The following ANO8 variants were observed in gnomAD, a reference collection of about 807,000 sequenced individuals.
The protein encoded by ANO8 is anoctamin-8.
A neutral mutation model predicts 120.4 loss-of-function variants in ANO8; 67 were observed. The observed-to-expected ratio is 0.56, with a 90% CI of 0.46 to 0.68. ANO8 has a LOEUF of 0.68. Ranked by LOEUF, ANO8 falls within the 30% of genes least tolerant of loss-of-function variation. ANO8 has a pLI of 0.00. For missense variants in ANO8, 1,526 were observed against 1,737.6 expected (o/e 0.88, Z 2.16); for synonymous variants, 727 against 759.2 (o/e 0.96, Z 0.70).
At chr19:17,324,642 C>A (rs1390548979) in intron 17 of ANO8, 75 bp downstream of exon 17, 1 of 1,500,906 alleles carries the variant, frequency 6.7e-7, no homozygotes, top group South Asian at 1.4e-5. Flanking sequence ...TTCAGCCCCT[C>A]TCCCCAGGCC....
In ANO8 at chr19:17,323,343, G is replaced by GTGTGTT. The variant is rs772407768; in HGVS notation, c.*173_*174insAACACA. ...TGTGTGTGTGTGTGTGTGTGTGTGTGTTTTCTGTTGGATTTGTGGGTTTCC... is the reference window on the plus strand; with the variant it reads ...TGTGTGTGTGTGTGTGTGTGTGTGTGTGTGTTTTTTCTGTTGGATTTGTGGGTTTCC... On this transcript the variant is annotated 3_prime_UTR_variant, in exon 18 of 18. Coordinates refer to ENST00000159087, the MANE Select transcript of ANO8 (RefSeq NM_020959.3). The GTGTGTT allele has an allele frequency of 1.3e-3, 519 of 394,424 alleles. 2 individuals carry two copies. The highest frequency in any genetic ancestry group is 1.4e-3 in the Non-Finnish European group (314 of 228,428). The allele number at this position is 394,424 out of a possible 1,614,324, so 24.4% of individuals were successfully genotyped here. A position where few individuals can be genotyped will look rare whatever the true frequency, so the allele number is the denominator to read the frequency against.
chr19:17,334,516 G>A, intron 1 of ANO8, 49 bp downstream of exon 1: 1 of 1,431,874 alleles, frequency 7.0e-7, no homozygotes, highest in Non-Finnish European at 9.4e-7. Flanking sequence ...GTTGACGCGG[G>A]CTCCCCAGGC....
Position 17,328,362 on chromosome 19 carries a change from C to T in ANO8, c.2026G>A (p.Ala676Thr). 1 of 1,574,350 alleles carries T rather than the reference C, an allele frequency of 6.4e-7. No homozygotes were observed. The highest frequency in any genetic ancestry group is 8.6e-7 in the Non-Finnish European group (1 of 1,164,374). Residue 676 changes from alanine (A) to threonine (T), a missense_variant, in exon 13 of 18, where the codon GCC (alanine) becomes ACC (threonine). Transcript: ENST00000159087. Reference protein sequence around the residue: ...APGSPEREPPAILFRRAGGEG... With the variant: ...APGSPEREPPTILFRRAGGEG... Reference sequence around the variant, plus strand: ...CCCCCGGCCCGGCGGAACAAGATGGCCGGGGGCTCCCGTTCAGGGCTGCCG... The same window carrying T: ...CCCCCGGCCCGGCGGAACAAGATGGTCGGGGGCTCCCGTTCAGGGCTGCCG...
intron 13 of ANO8, 37 bp from the exon 14 acceptor site, chr19:17,327,917 C>A (rs202038088): frequency 6.3e-7 from 1 of 1,597,424 alleles, no homozygotes; most frequent in East Asian, 2.2e-5. Context: ...GAAGCCTCTT[C>A]CCTGGGACAA....
rs1321250268 is a variant in ANO8, at chr19:17,328,633, CTCG to C, written c.1752_1754del (p.Asp584del). The C allele has an allele frequency of 2.0e-6, 3 of 1,529,572 alleles. No homozygotes were observed. In the Admixed American group the frequency reaches 6.0e-5, roughly 31 times the overall value. The allele number at this position is 1,529,572 out of a possible 1,614,324, so 94.8% of individuals were successfully genotyped here. On this transcript the variant is annotated inframe_deletion, in exon 13 of 18. Transcript: ENST00000159087. ...CCTCGTCCTCCTCCTCCTCGTCGTCCTCGTCCTCCTCCTTGCCCCCTGGAGGCC... is the reference window on the plus strand; with the variant it reads ...CCTCGTCCTCCTCCTCCTCGTCGTCCTCCTCCTCCTTGCCCCCTGGAGGCC...
rs772909396 is a variant in ANO8, at chr19:17,331,151, C to A, written c.768G>T (p.Thr256=). The change falls in exon 7 of 18, where the codon ACG becomes ACT. Residue 256 remains threonine, a synonymous_variant. Transcript: ENST00000159087. ...AMYFAWLGFY[T]SAMVYPAVFG... is the part of the protein sequence containing the mutation. ...AGACAGCTGGGTATACCATAGCCGACGTGTAGAAGCCCAGCCAGGCGAAGT... is the reference window on the plus strand; with the variant it reads ...AGACAGCTGGGTATACCATAGCCGAAGTGTAGAAGCCCAGCCAGGCGAAGT... 6.2e-7 allele frequency: 1 copy of A among 1,614,192 alleles called. No individual in the cohort carries two copies. Among genetic ancestry groups the A allele is most frequent in the Non-Finnish European group, 8.5e-7 (1 of 1,180,034 alleles).
rs1300021626 is a variant in ANO8, at chr19:17,328,780, G to A, written c.1608C>T (p.Gly536=). 2.3e-5 allele frequency: 31 copies of A among 1,319,800 alleles called. No individual in the cohort carries two copies. The highest frequency in any genetic ancestry group is 4.4e-5 in the South Asian group (2 of 45,262). 81.8% of individuals were successfully genotyped at this position (1,319,800 alleles called of 1,614,324 possible). A position where few individuals can be genotyped will look rare whatever the true frequency, so the allele number is the denominator to read the frequency against. Residue 536 remains glycine, a synonymous_variant, in exon 13 of 18, where the codon GGC becomes GGT. Transcript: ENST00000159087. ...LEPQADEGGG[G]GSGGGGRRCL... is the part of the protein sequence containing the mutation. ...ACCTGCGGCCCCCGCCCCCGCTGCC[G>A]CCGCCCCCGCCCTCATCCGCCTGGG... is the stretch of plus-strand genomic sequence containing the variant.
At chr19:17,326,455 C>G (rs1480716989) in intron 16 of ANO8, among the ~76,000 whole-genome samples, 2 of 150,262 alleles carry the variant, frequency 1.3e-5, no homozygotes, top group East Asian at 3.9e-4. Context: ...GAGATTGTGC[C>G]ACTGCACTCC....
In ANO8 at chr19:17,323,777, CTGCG is replaced by C; in HGVS notation, c.3435_3438del (p.Gly1147AlafsTer171). On this transcript the variant is annotated frameshift_variant, in exon 18 of 18. Transcript: ENST00000159087. LOFTEE classifies it low-confidence loss of function (END_TRUNC). ...CAGGGCCCGTCCCACTGCCAGCAGCCTGCGGGCGGTGTCGGGGGCCGGGGCAGCG... is the reference window on the plus strand; with the variant it reads ...CAGGGCCCGTCCCACTGCCAGCAGCCGGCGGTGTCGGGGGCCGGGGCAGCG... 8.5e-7 allele frequency: 1 copy of C among 1,176,118 alleles called. No individual in the cohort carries two copies. The highest frequency in any genetic ancestry group is 1.6e-5 in the African/African-American group (1 of 61,848). The allele number at this position is 1,176,118 out of a possible 1,614,324, so 72.9% of individuals were successfully genotyped here.
chr19:17,330,859 T>A lies in ANO8; in HGVS notation c.962A>T (p.Glu321Val). The A allele has an allele frequency of 6.2e-7, 1 of 1,614,094 alleles. No homozygotes were observed. The highest frequency in any genetic ancestry group is 8.5e-7 in the Non-Finnish European group (1 of 1,179,994). ...YKWGTLDSPG[E>V]AVEEPRPQFR... ...CTGGGGGCGTGGCTCCTCCACGGCT[T>A]CCCCAGGTGAGTCCAGCGTCCCCCA... The change falls in exon 8 of 18, where the codon GAA becomes GTA. Residue 321 changes from glutamate to valine, a missense_variant. Coordinates refer to ENST00000159087, the MANE Select transcript of ANO8 (RefSeq NM_020959.3).
rs1013376633 is a variant in ANO8, at chr19:17,333,869, C to T, written c.107-69G>A. On this transcript the variant is annotated intron_variant, in intron 1 of 17. Transcript: ENST00000159087. This position sits in a 1 kb window ranked among gnomAD's most constrained non-coding sequence, Gnocchi z 7.2. ...CCGGACCCGGCCTCCAGTCTTGGCT[C>T]CTCCTGCCCCCGCCAGGGCTCCTCA... 16 of 1,324,796 alleles carry T rather than the reference C, an allele frequency of 1.2e-5. No homozygotes were observed. Among genetic ancestry groups the T allele is most frequent in the Non-Finnish European group, 1.6e-5 (15 of 944,846 alleles). 82.1% of individuals were successfully genotyped at this position (1,324,796 alleles called of 1,614,324 possible). A position where few individuals can be genotyped will look rare whatever the true frequency, so the allele number is the denominator to read the frequency against.
Position 17,324,455 on chromosome 19 carries a change from G to A in ANO8, c.3331+262C>T, listed in dbSNP as rs1478283148. Among the ~76,000 whole-genome samples the A allele has an allele frequency of 2.0e-5, 3 of 152,034 alleles. No individual in the cohort carries two copies. In the East Asian group the frequency reaches 5.8e-4, roughly 29 times the overall value. ...CTCCTGGCACCGGAGCATGGTGGGG[G>A]TCCCTGGGTGCAGTCCTGGGACAAG... On this transcript the variant is annotated intron_variant, in intron 17 of 17. Coordinates refer to ENST00000159087, the MANE Select transcript of ANO8 (RefSeq NM_020959.3).
chr19:17,327,671 C>A lies in ANO8; in HGVS notation c.2418+18G>T, dbSNP rs201314015. On this transcript the variant is annotated intron_variant, in intron 14 of 17. Transcript: ENST00000159087. ...GCTCCCTCTGGGCCTCAGCTCGGAT[C>A]TCTTGGCTTCCCCCCACCTGCCACT... 1 of 1,610,940 alleles carries A rather than the reference C, an allele frequency of 6.2e-7. No individual in the cohort carries two copies. The highest frequency in any genetic ancestry group is 2.2e-5 in the East Asian group (1 of 44,814).
rs751352812 is a variant in ANO8, at chr19:17,329,015, G to T, written c.1405-32C>A. 1.1e-5 allele frequency: 15 copies of T among 1,420,818 alleles called. No individual in the cohort carries two copies. The Admixed American group carries it at 4.2e-4, about 39-fold the overall frequency. 88.0% of individuals were successfully genotyped at this position (1,420,818 alleles called of 1,614,324 possible). On this transcript the variant is annotated intron_variant, in intron 12 of 17. Transcript: ENST00000159087. Reference sequence around the variant, plus strand: ...GCAGGAAGGGGAAGGAGAGAGGCGCGTGGGGGGCAAGCGGGGCGCCGGGAT... The same window carrying T: ...GCAGGAAGGGGAAGGAGAGAGGCGCTTGGGGGGCAAGCGGGGCGCCGGGAT...
In ANO8 at chr19:17,325,242, C is replaced by G; in HGVS notation, c.2806G>C (p.Gly936Arg). The G allele has an allele frequency of 6.2e-7, 1 of 1,610,480 alleles. No homozygotes were observed. The highest frequency in any genetic ancestry group is 8.5e-7 in the Non-Finnish European group (1 of 1,179,836). ...TCGGAGGAGGTGGCAGGGTCCAGCC[C>G]AGAGCCCTCGGCCCTCGCCTCCTCT... ...GREEARAEGS[G>R]LDPATSSEKA... The change falls in exon 17 of 18, where the codon GGG (glycine) becomes CGG (arginine). Residue 936 changes from glycine (G) to arginine (R), a missense_variant. Gly to Arg is a moderately radical substitution (Grantham distance 125, BLOSUM62 -2). Around this residue, in one of 8 missense-constraint regions of ANO8, gnomAD observed 489 missense variants for 548.6 expected, o/e 0.89. Transcript: ENST00000159087.
Position 17,333,155 on chromosome 19 carries a change from C to G in ANO8, c.435G>C (p.Glu145Asp). 2 of 1,612,804 alleles carry G rather than the reference C, an allele frequency of 1.2e-6. No individual in the cohort carries two copies. The highest frequency in any genetic ancestry group is 1.7e-6 in the Non-Finnish European group (2 of 1,179,488). ...CCACATTCTCATAGATAAAGTCCTC[C>G]TCGCAGGAGAAGCCGCGGGTGCCCC... ...FGGGTRGFSC[E>D]EDFIYENVES... Residue 145 changes from glutamate (E) to aspartate (D), a missense_variant, in exon 4 of 18, where the codon GAG becomes GAC. Glu to Asp is a conservative substitution (Grantham distance 45). Around this residue, in one of 8 missense-constraint regions of ANO8, gnomAD observed 322 missense variants for 431.8 expected, o/e 0.75. Transcript: ENST00000159087. This position sits in a 1 kb window ranked among gnomAD's most constrained non-coding sequence, Gnocchi z 7.2.
At position 17,330,433 on chromosome 19, in the gene ANO8, G is replaced by A; in HGVS notation, c.1065C>T (p.Phe355=). 1 of 1,571,964 alleles carries A rather than the reference G, an allele frequency of 6.4e-7. No homozygotes were observed. The change falls in exon 9 of 18, where the codon TTC becomes TTT. Residue 355 remains phenylalanine (F), a synonymous_variant. Transcript: ENST00000159087. ...FYYPPWKRLL[F]QLLVSLPLCL... is the part of the protein sequence containing the mutation. ...ACAGGGGGAGGCTCACAAGCAGCTG[G>A]AAGAGCAGCCGCTTCCAGGGCGGGT...
intron 8 of ANO8, 43 bp downstream of exon 8, chr19:17,330,785 C>A: frequency 6.3e-7 from 1 of 1,587,042 alleles, no homozygotes; most frequent in South Asian, 1.1e-5. Flanking sequence ...CACCATTTAC[C>A]TTTGTCCTGT....
chr19:17,327,715 G>C lies in ANO8; in HGVS notation c.2392C>G (p.Arg798Gly). The C allele has an allele frequency of 5.6e-6, 9 of 1,613,658 alleles. No individual in the cohort carries two copies. The highest frequency in any genetic ancestry group is 7.6e-6 in the Non-Finnish European group (9 of 1,179,840). ...TGCCACTGGCCGATGCTTTCCACGC[G>C]CTGGCCGAAGGGCCGCTGCAGCCCG... Reference protein sequence around the residue: ...CTGLQRPFGQRVESIGQWQKV... With the variant: ...CTGLQRPFGQGVESIGQWQKV... Residue 798 changes from arginine (R) to glycine (G), a missense_variant, in exon 14 of 18, where the codon CGC becomes GGC. Transcript: ENST00000159087.
Sources: gnomAD v4.1 joint callset for allele counts (sites outside exome capture counted in the v4.1 genomes callset) on GRCh38, gnomAD v4.1.1 for gene constraint, gnomAD v4.1.1 regional missense constraint, Gnocchi (gnomAD v3.1) non-coding constraint, MANE v1.5 for transcripts, NCBI Gene and HGNC (gene_info 2026-07-23, HGNC 2026-07-21) for gene names.